The following DRC8 variants were observed in gnomAD, a reference collection of about 807,000 sequenced individuals.
The protein encoded by DRC8 is dynein regulatory complex subunit 8.
At chr1:244,999,797 AGTTTTTTT>A in the DRC8 span, among the ~76,000 whole-genome samples, 1 of 151,910 alleles carries the variant, frequency 6.6e-6, no homozygotes, top group South Asian at 2.1e-4. Context: ...CCCATGATAA[AGTTTTTTT>A]GTTTTTTTGT....
chr1:245,032,650 A>G, the DRC8 span, among the ~76,000 whole-genome samples: 4 of 152,318 alleles, frequency 2.6e-5, no homozygotes, highest in South Asian at 8.3e-4. Flanking sequence ...TGTAACGCAT[A>G]CAACATTGCC....
At chr1:244,972,137 C>A in the DRC8 span, among the ~76,000 whole-genome samples, 1 of 152,090 alleles carries the variant, frequency 6.6e-6, no homozygotes, top group Non-Finnish European at 1.5e-5. Context: ...AGCTTTTGAA[C>A]AATTTTTTTC....
At chr1:244,994,814 T>G in the DRC8 span, among the ~76,000 whole-genome samples, 1 of 152,226 alleles carries the variant, frequency 6.6e-6, no homozygotes, top group Non-Finnish European at 1.5e-5. Flanking sequence ...TTTGCTAGTC[T>G]GAATGTTGCC....
the DRC8 span, among the ~76,000 whole-genome samples, chr1:245,006,891 G>A: frequency 5.3e-5 from 8 of 152,034 alleles, no homozygotes; most frequent in African/African-American, 1.4e-4. Flanking sequence ...CTGGGATTGC[G>A]CCAGTGAATT....
the DRC8 span, chr1:245,091,695 T>C: frequency 6.6e-6 from 1 of 152,226 alleles, no homozygotes; most frequent in Non-Finnish European, 1.5e-5. Flanking sequence ...AATTTGTCTG[T>C]TTCTTTTAAG....
chr1:245,058,443 T>C, the DRC8 span, among the ~76,000 whole-genome samples: 4 of 152,328 alleles, frequency 2.6e-5, no homozygotes, highest in East Asian at 1.9e-4. Context: ...TTGATACTTA[T>C]TCTGCAACCT....
the DRC8 span, chr1:244,969,792 A>G: frequency 2.1e-5 from 6 of 288,944 alleles, no homozygotes; most frequent in Non-Finnish European, 1.3e-5. Flanking sequence ...TTCTCTGGGA[A>G]AGGACGGTGA....
At chr1:245,100,395 G>GTAATAATAATAATAATAA in the DRC8 span, among the ~76,000 whole-genome samples, 228 of 149,284 alleles carry the variant, frequency 1.5e-3, no homozygotes, top group African/African-American at 4.8e-3. Flanking sequence ...AAAAGTAGTA[G>GTAATAATAATAATAATAA]TAATAATAAT....
the DRC8 span, among the ~76,000 whole-genome samples, chr1:245,008,639 C>T: frequency 2.0e-5 from 3 of 149,082 alleles, no homozygotes; most frequent in Non-Finnish European, 4.4e-5. Flanking sequence ...CTACCTATCT[C>T]AAAAATGTGA....
the DRC8 span, among the ~76,000 whole-genome samples, chr1:244,989,311 G>A: frequency 1.3e-5 from 2 of 152,064 alleles, no homozygotes; most frequent in Non-Finnish European, 2.9e-5. Flanking sequence ...TTTCTGCTCC[G>A]GAGTCCCATC....
the DRC8 span, among the ~76,000 whole-genome samples, chr1:244,999,383 T>C: frequency 0.82 from 125,407 of 152,114 alleles, 51,828 homozygotes; most frequent in East Asian, 1. Flanking sequence ...CTTTTCCTGT[T>C]TCCCTTTAGC....
the DRC8 span, among the ~76,000 whole-genome samples, chr1:245,119,793 C>T: frequency 4.6e-5 from 7 of 151,960 alleles, no homozygotes; most frequent in South Asian, 2.1e-4. Context: ...ATTAGCCACA[C>T]GTGGTGGCAG....
the DRC8 span, chr1:244,970,183 C>T: frequency 5.6e-6 from 4 of 713,752 alleles, no homozygotes; most frequent in South Asian, 1.5e-5. Flanking sequence ...GGCCGGGGGC[C>T]GGGTGGCAGA....
the DRC8 span, among the ~76,000 whole-genome samples, chr1:245,085,086 G>A: frequency 6.6e-6 from 1 of 152,200 alleles, no homozygotes; most frequent in African/African-American, 2.4e-5. Flanking sequence ...CCTACTATAT[G>A]TTTAATATTT....
the DRC8 span, among the ~76,000 whole-genome samples, chr1:245,041,183 T>A: frequency 2.0e-5 from 3 of 152,032 alleles, no homozygotes; most frequent in African/African-American, 7.2e-5. Context: ...ATAAAGGCCC[T>A]TTGAAGGGGA....
the DRC8 span, among the ~76,000 whole-genome samples, chr1:244,990,722 G>A: frequency 2.6e-5 from 4 of 151,930 alleles, no homozygotes; most frequent in Admixed American, 6.6e-5. Context: ...TGCAACCTCC[G>A]CCTCCCAGGC....
the DRC8 span, among the ~76,000 whole-genome samples, chr1:245,101,149 C>A: frequency 6.6e-6 from 1 of 152,024 alleles, no homozygotes; most frequent in East Asian, 1.9e-4. Context: ...CCTCCCAAAG[C>A]GCTGGGATTA....
chr1:244,986,656 C>T, the DRC8 span, among the ~76,000 whole-genome samples: 2 of 151,568 alleles, frequency 1.3e-5, no homozygotes, highest in Non-Finnish European at 2.9e-5. Context: ...ATTGCTTGAG[C>T]CTAGAAGTTC....
At chr1:245,121,783 C>T in the DRC8 span, 6 of 358,202 alleles carry the variant, frequency 1.7e-5, no homozygotes, top group South Asian at 9.0e-5. Context: ...TCAACCCCTC[C>T]GTCTGGCTCC....
Sources: allele counts gnomAD v4.1 joint callset (sites outside exome capture counted in the v4.1 genomes callset), GRCh38; gene constraint gnomAD v4.1.1; transcripts MANE v1.5; gene names NCBI Gene and HGNC (gene_info 2026-07-23, HGNC 2026-07-21).